Variants in ARID4B observed in about 807,000 individuals in gnomAD.
ARID4B encodes AT-rich interaction domain 4B.
Under a neutral mutation model 147.5 loss-of-function variants are expected in ARID4B, and 26 were observed. The ratio of observed to expected loss-of-function variants is 0.18; its 90% CI spans 0.13 to 0.24. The LOEUF is 0.24. ARID4B is among the 10% of genes least tolerant of loss of function. The pLI is 1.00. For missense variants in ARID4B, 1,179 were observed against 1,511.5 expected (o/e 0.78, Z 3.65); for synonymous variants, 512 against 507.9 (o/e 1.01, Z -0.11).
At chr1:235,230,199 T>A (rs538845711) in intron 10 of ARID4B, among the ~76,000 whole-genome samples, 4 of 152,262 alleles carry the variant, frequency 2.6e-5, no homozygotes, top group Non-Finnish European at 5.9e-5. Flanking sequence ...GTGGACTGCC[T>A]GAGCTCAGGA....
intron 2 of ARID4B, among the ~76,000 whole-genome samples, chr1:235,283,434 G>A (rs1468461452): frequency 6.6e-6 from 1 of 152,158 alleles, no homozygotes; most frequent in Admixed American, 6.5e-5. Flanking sequence ...CACAGGTAAA[G>A]ATTTGAAAGT....
intron 9 of ARID4B, 93 bp downstream of exon 9, chr1:235,234,320 T>A (rs182912681): frequency 1.2e-6 from 1 of 806,644 alleles, no homozygotes; most frequent in African/African-American, 1.8e-5. Context: ...CCTAAGGTAA[T>A]TGGAAATAAC....
In ARID4B at chr1:235,327,814, C is replaced by T. The variant is rs1443619357; in HGVS notation, c.-95G>A. 1.3e-5 allele frequency: 2 copies of T among 152,836 alleles called. No individual in the cohort carries two copies. Among genetic ancestry groups the T allele is most frequent in the Non-Finnish European group, 2.9e-5 (2 of 68,532 alleles). The allele number at this position is 152,836 out of a possible 1,614,324, so 9.5% of individuals were successfully genotyped here. On this transcript the variant is annotated 5_prime_UTR_variant, in exon 1 of 24. Transcript: ENST00000264183. ...GACCCTGGCACGTCCAGAGTCCCCT[C>T]TCTCCTTCTCCCCCCCAAAACCAGC...
At chr1:235,174,787 A>C (rs1302591528) in intron 22 of ARID4B, among the ~76,000 whole-genome samples, 1 of 151,696 alleles carries the variant, frequency 6.6e-6, no homozygotes, top group African/African-American at 2.4e-5. Context: ...ACTGCACTCT[A>C]GCCTGGGCGA....
In ARID4B at chr1:235,214,002, A is replaced by G. The variant is rs1471407672; in HGVS notation, c.1608T>C (p.Asp536=). ...KSGDETNKEE[D]EDDEEAEEEE... is the part of the protein sequence containing the mutation. ...CCTCTTCTGCTTCTTCATCATCTTCATCTTCTTCTTTATTCGTTTCATCTC... is the reference window on the plus strand; with the variant it reads ...CCTCTTCTGCTTCTTCATCATCTTCGTCTTCTTCTTTATTCGTTTCATCTC... The change falls in exon 17 of 24, where the codon GAT becomes GAC. Residue 536 remains aspartate (D), a synonymous_variant. Transcript: ENST00000264183. The G allele has an allele frequency of 1.4e-5, 22 of 1,590,540 alleles. No homozygotes were observed. The highest frequency in any genetic ancestry group is 1.8e-5 in the Non-Finnish European group (21 of 1,160,016).
intron 11 of ARID4B, among the ~76,000 whole-genome samples, chr1:235,227,238 T>C (rs955632380): frequency 7.2e-5 from 11 of 152,032 alleles, no homozygotes; most frequent in African/African-American, 2.7e-4. Context: ...AGGGAAATGA[T>C]GAGAAAAAAT....
At chr1:235,230,143 G>A (rs1252664232) in intron 10 of ARID4B, among the ~76,000 whole-genome samples, 2 of 152,124 alleles carry the variant, frequency 1.3e-5, no homozygotes, top group Non-Finnish European at 2.9e-5. Flanking sequence ...TCAGTCAGGC[G>A]TGATGGCTTA....
intron 21 of ARID4B, among the ~76,000 whole-genome samples, chr1:235,177,226 TGTA>T (rs1331717802): frequency 1.3e-5 from 2 of 152,220 alleles, no homozygotes; most frequent in Non-Finnish European, 2.9e-5. Flanking sequence ...AAAAATAACA[TGTA>T]GTTGAAATAT....
intron 2 of ARID4B, among the ~76,000 whole-genome samples, chr1:235,308,379 T>TAA (rs1673731373): frequency 6.6e-6 from 1 of 151,248 alleles, no homozygotes; most frequent in Non-Finnish European, 1.5e-5. Flanking sequence ...AGTGCTGGGA[T>TAA]TACAGGCATG....
intron 22 of ARID4B, 53 bp downstream of exon 22, chr1:235,175,131 A>G (rs1663769238): frequency 6.7e-7 from 1 of 1,496,812 alleles, no homozygotes; most frequent in Non-Finnish European, 9.3e-7. Context: ...AATAAAACAA[A>G]AAGAGTTACT....
At chr1:235,195,968 G>T in intron 18 of ARID4B, 63 bp downstream of exon 18, 1 of 945,562 alleles carries the variant, frequency 1.1e-6, no homozygotes, top group Non-Finnish European at 1.7e-6. Context: ...ATATTTAATT[G>T]CATCATTTGG....
chr1:235,327,160 A>G, intron 1 of ARID4B, 192 bp from the exon 2 acceptor site: 2 of 516,618 alleles, frequency 3.9e-6, no homozygotes, highest in East Asian at 3.3e-5. Flanking sequence ...AACCACCTAC[A>G]CAGCTCGGCA....
At chr1:235,290,661 G>A (rs1672280460) in intron 2 of ARID4B, among the ~76,000 whole-genome samples, 1 of 152,192 alleles carries the variant, frequency 6.6e-6, no homozygotes, top group South Asian at 2.1e-4. Context: ...ATACAGAACT[G>A]CAAAAACAAT....
chr1:235,242,179 C>A (rs1053364650), intron 7 of ARID4B, among the ~76,000 whole-genome samples: 1 of 150,362 alleles, frequency 6.7e-6, no homozygotes, highest in East Asian at 2.0e-4. Context: ...ACCCGGGAGG[C>A]GGAGGTTGCA....
intron 2 of ARID4B, among the ~76,000 whole-genome samples, chr1:235,324,687 AG>A (rs2103317720): frequency 6.6e-6 from 1 of 152,328 alleles, no homozygotes; most frequent in Admixed American, 6.5e-5. Context: ...CTGTAATCCC[AG>A]CACTTTGGGA....
intron 17 of ARID4B, among the ~76,000 whole-genome samples, chr1:235,205,820 T>C (rs1232491440): frequency 6.6e-6 from 1 of 152,028 alleles, no homozygotes; most frequent in Non-Finnish European, 1.5e-5. Context: ...ATTAGGAAAA[T>C]GCAAATCAAA....
chr1:235,186,319 C>T (rs955846213), intron 19 of ARID4B, among the ~76,000 whole-genome samples: 10 of 152,058 alleles, frequency 6.6e-5, no homozygotes, highest in Non-Finnish European at 1.2e-4. Context: ...ATTATGTAAC[C>T]TATCTTTTCT....
At chr1:235,283,883 C>A (rs976683094) in intron 2 of ARID4B, among the ~76,000 whole-genome samples, 1 of 151,910 alleles carries the variant, frequency 6.6e-6, no homozygotes, top group African/African-American at 2.4e-5. Flanking sequence ...TACAGACATG[C>A]GCCACCACAC....
At chr1:235,243,665 T>C (rs1020919549) in intron 7 of ARID4B, among the ~76,000 whole-genome samples, 1 of 152,130 alleles carries the variant, frequency 6.6e-6, no homozygotes, top group African/African-American at 2.4e-5. Flanking sequence ...TACCAAATAA[T>C]GATACAAATT....
Sources: allele counts gnomAD v4.1 joint callset (sites outside exome capture counted in the v4.1 genomes callset), GRCh38; gene constraint gnomAD v4.1.1; transcripts MANE v1.5; gene names NCBI Gene and HGNC (gene_info 2026-07-23, HGNC 2026-07-21).